Variants in SYNE2 observed in about 807,000 individuals in gnomAD.
SYNE2 encodes the protein spectrin repeat containing nuclear envelope protein 2, also known as nesprin-2.
In SYNE2, 431 loss-of-function variants were observed where a neutral mutation model predicts 856.3. The observed-to-expected ratio is 0.50, with a 90% CI of 0.47 to 0.55. The LOEUF is 0.55. Among genes scored for constraint, SYNE2 ranks in the 20% least tolerant of loss-of-function variants. SYNE2 has a pLI of 0.00. For missense variants in SYNE2, 8,129 were observed against 8,023.2 expected (o/e 1.01, Z -0.50); for synonymous variants, 2,923 against 2,872.3 (o/e 1.02, Z -0.56).
At chr14:64,144,759 C>T (rs575127148) in intron 83 of SYNE2, among the ~76,000 whole-genome samples, 29 of 152,238 alleles carry the variant, frequency 1.9e-4, no homozygotes, top group Non-Finnish European at 2.9e-4. Context: ...CAAGTCACCT[C>T]TTACACATTT....
intron 54 of SYNE2, 115 bp from the exon 55 acceptor site, chr14:64,078,351 C>T: frequency 1.5e-6 from 2 of 1,326,030 alleles, no homozygotes; most frequent in Non-Finnish European, 2.1e-6. Context: ...CTTCCCCCAG[C>T]CCTTAAAAAA....
chr14:64,118,555 T>C (rs985592981), intron 66 of SYNE2, among the ~76,000 whole-genome samples: 2 of 152,118 alleles, frequency 1.3e-5, no homozygotes, highest in Non-Finnish European at 2.9e-5. Flanking sequence ...CACACTTGGA[T>C]TGCAACATAA....
At chr14:63,973,168 C>T (rs765011661) in intron 11 of SYNE2, among the ~76,000 whole-genome samples, 25 of 152,190 alleles carry the variant, frequency 1.6e-4, no homozygotes, top group African/African-American at 5.3e-4. Context: ...TCAGGAGAAT[C>T]GCTTGCACCT....
chr14:63,962,276 G>A (rs1347865046), intron 9 of SYNE2, among the ~76,000 whole-genome samples: 1 of 151,872 alleles, frequency 6.6e-6, no homozygotes, highest in South Asian at 2.1e-4. Flanking sequence ...GGCTGGTCTC[G>A]AACCCCTGAC....
At chr14:63,807,341 C>CAAAAAAA (rs574264237) in intron 1 of SYNE2, among the ~76,000 whole-genome samples, 1 of 86,668 alleles carries the variant, frequency 1.2e-5, no homozygotes, top group Non-Finnish European at 2.4e-5. Context: ...GACCCTGTCT[C>CAAAAAAA]AAAAAAAAAA....
intron 2 of SYNE2, among the ~76,000 whole-genome samples, chr14:63,932,197 G>A (rs4899122): frequency 0.54 from 81,409 of 151,436 alleles, 23,428 homozygotes; most frequent in Non-Finnish European, 0.63. Context: ...CCTGGCCAAC[G>A]TAGTGAAACC....
At chr14:64,166,174 G>A (rs535442473) in intron 90 of SYNE2, among the ~76,000 whole-genome samples, 7 of 152,248 alleles carry the variant, frequency 4.6e-5, no homozygotes, top group East Asian at 3.9e-4. Flanking sequence ...GTGGTGCACT[G>A]TCCATCACTG....
chr14:63,925,250 A>G (rs2095649911), intron 2 of SYNE2, among the ~76,000 whole-genome samples: 1 of 152,214 alleles, frequency 6.6e-6, no homozygotes, highest in South Asian at 2.1e-4. Flanking sequence ...TGAGCCCAGG[A>G]GGCAGAGGTT....
chr14:63,876,157 A>C (rs2094710545), intron 1 of SYNE2, among the ~76,000 whole-genome samples: 1 of 151,954 alleles, frequency 6.6e-6, no homozygotes, highest in Non-Finnish European at 1.5e-5. Context: ...TCACACTTGT[A>C]ATCCTAGCAC....
chr14:64,190,772 C>T (rs1367991097), intron 99 of SYNE2: 1 of 658,246 alleles, frequency 1.5e-6, no homozygotes, highest in African/African-American at 1.8e-5. Context: ...TGGGCGCAGC[C>T]CAGTCCTAAA....
chr14:63,779,425 C>T (rs899679023), intron 1 of SYNE2, among the ~76,000 whole-genome samples: 11 of 141,392 alleles, frequency 7.8e-5, no homozygotes, highest in African/African-American at 2.6e-4. Flanking sequence ...CTCACTACTG[C>T]GCTTGACTGG....
intron 2 of SYNE2, among the ~76,000 whole-genome samples, chr14:63,935,361 T>G (rs968668163): frequency 1.3e-5 from 2 of 152,212 alleles, no homozygotes; most frequent in East Asian, 3.8e-4. Flanking sequence ...AAAATTCCAG[T>G]GAGGCTTGGT....
At chr14:63,786,995 T>C (rs1475543608) in intron 1 of SYNE2, among the ~76,000 whole-genome samples, 1 of 152,138 alleles carries the variant, frequency 6.6e-6, no homozygotes, top group Non-Finnish European at 1.5e-5. Flanking sequence ...ACTCCTGGGC[T>C]CAAGCAATCC....
At chr14:64,075,365 TAGACTATTTGTTC>T (rs2097449813) in intron 53 of SYNE2, among the ~76,000 whole-genome samples, 1 of 152,220 alleles carries the variant, frequency 6.6e-6, no homozygotes, top group Non-Finnish European at 1.5e-5. Context: ...CCACAACCAA[TAGACTATTTGTTC>T]AGGTTTCTTT....
intron 45 of SYNE2, among the ~76,000 whole-genome samples, chr14:64,042,164 A>T (rs2097153808): frequency 6.6e-6 from 1 of 152,212 alleles, no homozygotes; most frequent in African/African-American, 2.4e-5. Context: ...CTAGATGTAT[A>T]ATCTGTTAAC....
At position 63,986,631 on chromosome 14, in the gene SYNE2, A is replaced by T; in HGVS notation, c.2313+14A>T. 1 of 1,613,412 alleles carries T rather than the reference A, an allele frequency of 6.2e-7. No homozygotes were observed. The highest frequency in any genetic ancestry group is 8.5e-7 in the Non-Finnish European group (1 of 1,179,434). The stretch of plus-strand genomic sequence containing the variant: ...GAATCTTTGAAGGTATGTGTGTAAA[A>T]GTATTAAGAGGGTACTTTCATGGTT... On this transcript the variant is annotated intron_variant, in intron 19 of 115. Transcript: ENST00000555002.
At chr14:63,890,057 T>C (rs1373816842) in intron 1 of SYNE2, among the ~76,000 whole-genome samples, 15 of 141,288 alleles carry the variant, frequency 1.1e-4, no homozygotes, top group South Asian at 2.3e-4. Context: ...TTCTTTCTTT[T>C]TTTTTTTTTT....
At chr14:63,792,668 TG>T (rs1227427830) in intron 1 of SYNE2, among the ~76,000 whole-genome samples, 10 of 152,042 alleles carry the variant, frequency 6.6e-5, no homozygotes, top group Middle Eastern at 3.4e-3. Context: ...TTTGTTTGTT[TG>T]TTTGTTTGTT....
At chr14:63,941,658 A>G in intron 3 of SYNE2, 37 bp from the exon 4 acceptor site, 1 of 1,572,242 alleles carries the variant, frequency 6.4e-7, no homozygotes, top group Non-Finnish European at 8.8e-7. Flanking sequence ...TTTTGGACCA[A>G]AGTTTGAATG....
Sources: gnomAD v4.1 joint callset for allele counts (sites outside exome capture counted in the v4.1 genomes callset) on GRCh38, gnomAD v4.1.1 for gene constraint, MANE v1.5 for transcripts, NCBI Gene and HGNC (gene_info 2026-07-23, HGNC 2026-07-21) for gene names.